Variants in OR11A1 observed in about 807,000 individuals in gnomAD.
OR11A1 encodes the protein olfactory receptor 11A1.
For missense variants in OR11A1, 380 were observed against 378.2 expected (o/e 1.00, Z -0.04); for synonymous variants, 158 against 152.2 (o/e 1.04, Z -0.28).
chr6:29,445,301 A>C (rs940442676), intron 1 of OR11A1, among the ~76,000 whole-genome samples: 3 of 152,216 alleles, frequency 2.0e-5, no homozygotes, highest in Non-Finnish European at 2.9e-5. Flanking sequence ...CACTGTGCCC[A>C]GCCAGTATCC....
Position 29,440,796 on chromosome 6 carries a change from C to G in OR11A1, c.-388-8809G>C, listed in dbSNP as rs142490737. ...CACCGCACTCTTTATCTATATTCGC[C>G]CTAAGGCCAGCTACGATCCGGCCAC... On this transcript the variant is annotated intron_variant, in intron 1 of 4. Transcript: ENST00000377149. The G allele has an allele frequency of 6.6e-5, 106 of 1,614,130 alleles. No homozygotes were observed. In the African/African-American group the frequency reaches 1.2e-3, roughly 18 times the overall value.
Position 29,431,864 on chromosome 6 carries a change from C to T in OR11A1, c.-265G>A. The T allele has an allele frequency of 1.0e-6, 1 of 985,258 alleles. No individual in the cohort carries two copies. Among genetic ancestry groups the T allele is most frequent in the South Asian group, 4.7e-5 (1 of 21,274 alleles). 61.0% of individuals were successfully genotyped at this position (985,258 alleles called of 1,614,324 possible). On this transcript the variant is annotated splice_region_variant and 5_prime_UTR_variant, in exon 2 of 5. Coordinates refer to ENST00000377149, the MANE Select transcript of OR11A1 (RefSeq NM_001394828.1). The stretch of plus-strand genomic sequence containing the variant: ...AAGAATTTTACAAAAATAAACGTAC[C>T]CGAAATATCGACCCTGTTCTCTAAA...
At position 29,427,240 on chromosome 6, in the gene OR11A1, T is replaced by G. The variant is rs780598714; in HGVS notation, c.402A>C (p.Pro134=). The G allele has an allele frequency of 3.1e-6, 5 of 1,612,342 alleles. No individual in the cohort carries two copies. Among genetic ancestry groups the G allele is most frequent in the Non-Finnish European group, 4.2e-6 (5 of 1,179,832 alleles). Residue 134 remains proline (P), a synonymous_variant, in exon 5 of 5, where the codon CCA becomes CCC. Transcript: ENST00000377149. ...TGTACCGTCTGGGCCCCATCAGGAG[T>G]GGGTAGTGGAGTGGGTAGCAAATTG... ...YLAICYPLHY[P]LLMGPRRYMG...
chr6:29,447,188 G>C (rs1256046195), intron 1 of OR11A1, among the ~76,000 whole-genome samples: 1 of 152,082 alleles, frequency 6.6e-6, no homozygotes, highest in Non-Finnish European at 1.5e-5. Flanking sequence ...TTCCCCATTT[G>C]CATAAAAGAA....
intron 1 of OR11A1, among the ~76,000 whole-genome samples, chr6:29,437,966 T>C (rs1441936975): frequency 6.6e-6 from 1 of 152,208 alleles, no homozygotes; most frequent in Non-Finnish European, 1.5e-5. Context: ...TTCATTCTCT[T>C]TGAGCCATTG....
Position 29,428,960 on chromosome 6 carries a change from A to T in OR11A1, c.-139T>A. 1 of 966,958 alleles carries T rather than the reference A, an allele frequency of 1.0e-6. No homozygotes were observed. Among genetic ancestry groups the T allele is most frequent in the Non-Finnish European group, 1.2e-6 (1 of 813,388 alleles). 59.9% of individuals were successfully genotyped at this position (966,958 alleles called of 1,614,324 possible). ...TATTCAAAGCAATATGTGTTTATTA[A>T]CTGAAGACAATGAGAGAGAATACAG... On this transcript the variant is annotated splice_region_variant and 5_prime_UTR_variant, in exon 4 of 5. Coordinates refer to ENST00000377149, the MANE Select transcript of OR11A1 (RefSeq NM_001394828.1).
At chr6:29,428,221 T>G in intron 4 of OR11A1, 1 of 985,724 alleles carries the variant, frequency 1.0e-6, no homozygotes, top group East Asian at 1.1e-4. Context: ...TACCAACTGT[T>G]CCTCGGATAA....
intron 1 of OR11A1, among the ~76,000 whole-genome samples, chr6:29,434,473 T>TTCTGTTATGTTATGTATGTATATGTA (rs1367365712): frequency 3.3e-5 from 5 of 152,228 alleles, no homozygotes; most frequent in Admixed American, 6.5e-5. Flanking sequence ...TTATCTTTAA[T>TTCTGTTATGTTATGTATGTATATGTA]TCTGTTAATG....
At position 29,431,940 on chromosome 6, in the gene OR11A1, G is replaced by A; in HGVS notation, c.-341C>T. The A allele has an allele frequency of 4.1e-6, 4 of 985,352 alleles. No homozygotes were observed. Among genetic ancestry groups the A allele is most frequent in the Non-Finnish European group, 4.8e-6 (4 of 829,858 alleles). 61.0% of individuals were successfully genotyped at this position (985,352 alleles called of 1,614,324 possible). ...CTGCTAAGATTTGCTGAAGACTTCA[G>A]AATGTTGGAATTTCCTACCTTCAGC... On this transcript the variant is annotated 5_prime_UTR_variant, in exon 2 of 5. Transcript: ENST00000377149.
intron 4 of OR11A1, chr6:29,428,204 G>A (rs1402374000): frequency 1.0e-6 from 1 of 982,968 alleles, no homozygotes; most frequent in Non-Finnish European, 1.2e-6. Context: ...CCTAATCAGT[G>A]ATACCTTACC....
intron 1 of OR11A1, 77 bp from the exon 2 acceptor site, chr6:29,432,064 T>A: frequency 1.1e-6 from 1 of 915,394 alleles, no homozygotes; most frequent in South Asian, 5.0e-5. Context: ...TCTTCCACCC[T>A]CCATCCCCTT....
At chr6:29,443,301 C>T (rs781398047) in intron 1 of OR11A1, among the ~76,000 whole-genome samples, 5 of 152,150 alleles carry the variant, frequency 3.3e-5, no homozygotes, top group African/African-American at 4.8e-5. Flanking sequence ...CTCCTCATTC[C>T]CAAGCAACCT....
At chr6:29,445,107 AG>A (rs1784604285) in intron 1 of OR11A1, among the ~76,000 whole-genome samples, 2 of 152,296 alleles carry the variant, frequency 1.3e-5, no homozygotes, top group South Asian at 4.1e-4. Flanking sequence ...TCTGGTTTCA[AG>A]CGATTCTCCT....
At chr6:29,456,265 G>A (rs1220326958) in intron 1 of OR11A1, among the ~76,000 whole-genome samples, 1 of 149,878 alleles carries the variant, frequency 6.7e-6, no homozygotes, top group African/African-American at 2.5e-5. Context: ...GCTCACGCCT[G>A]TAATCCCAGC....
intron 1 of OR11A1, among the ~76,000 whole-genome samples, chr6:29,433,297 T>C (rs1484093614): frequency 6.6e-6 from 1 of 152,204 alleles, no homozygotes; most frequent in Non-Finnish European, 1.5e-5. Context: ...CTTGTCTAAC[T>C]GTAATTTTTG....
rs1354891154 is a variant in OR11A1 at position 29,426,174 on chromosome 6, T to C, written c.*520A>G. ...TTGGTATTGCTGTATTATTTTTAAA[T>C]ATTTATGACATATTTAATAAAGAAC... On this transcript the variant is annotated 3_prime_UTR_variant, in exon 5 of 5. Coordinates refer to ENST00000377149, the MANE Select transcript of OR11A1 (RefSeq NM_001394828.1). 3 of 152,800 alleles carry C rather than the reference T, an allele frequency of 2.0e-5. No homozygotes were observed. In the East Asian group the frequency reaches 5.8e-4, roughly 29 times the overall value. The allele number at this position is 152,800 out of a possible 1,614,324, so 9.5% of individuals were successfully genotyped here.
Position 29,426,836 on chromosome 6 carries a change from TGGGAATGGACAGCAGA to T in OR11A1, c.790_805del (p.Ala265SerfsTer20). On this transcript the variant is annotated frameshift_variant, in exon 5 of 5. Transcript: ENST00000377149. LOFTEE classifies it low-confidence loss of function (END_TRUNC). The stretch of plus-strand genomic sequence containing the variant: ...CAGGGAGAAGACCTTGGAGAGGAGC[TGGGAATGGACAGCAGA>T]GGGTGCAACATAAAAGATCATGAGC... 1 of 1,612,186 alleles carries T rather than the reference TGGGAATGGACAGCAGA, an allele frequency of 6.2e-7. No homozygotes were observed. The highest frequency in any genetic ancestry group is 8.5e-7 in the Non-Finnish European group (1 of 1,179,668).
rs535976602 is a variant in OR11A1, at chr6:29,427,678, G to A, written c.-37C>T. 18 of 1,573,412 alleles carry A rather than the reference G, an allele frequency of 1.1e-5. 1 individual carries two copies. In the South Asian group the frequency reaches 2.1e-4, roughly 19 times the overall value. ...AAGTTTCTGCTTGGCAATAATTGGGGGAGAAATTTTAGCATGTCTCTGCAT... is the reference window on the plus strand; with the variant it reads ...AAGTTTCTGCTTGGCAATAATTGGGAGAGAAATTTTAGCATGTCTCTGCAT... On this transcript the variant is annotated 5_prime_UTR_variant, in exon 5 of 5. Transcript: ENST00000377149.
At chr6:29,430,266 C>T in intron 3 of OR11A1, 35 bp downstream of exon 3, 1 of 985,106 alleles carries the variant, frequency 1.0e-6, no homozygotes. Flanking sequence ...TCTGTTATTG[C>T]CCTCCAACTC....
Sources: gnomAD v4.1 joint callset for allele counts (sites outside exome capture counted in the v4.1 genomes callset) on GRCh38, gnomAD v4.1.1 for gene constraint, MANE v1.5 for transcripts, NCBI Gene and HGNC (gene_info 2026-07-23, HGNC 2026-07-21) for gene names.